The following RPS6KC1 variants were observed in gnomAD, a reference collection of about 807,000 sequenced individuals.
The protein encoded by RPS6KC1 is inactive ribosomal protein S6 kinase delta-1.
Under a neutral mutation model 103.8 loss-of-function variants are expected in RPS6KC1, and 54 were observed. That is an observed-to-expected ratio of 0.52 (90% CI 0.42 to 0.65). The LOEUF (loss-of-function observed/expected upper bound fraction) is 0.65. RPS6KC1 is among the 30% of genes least tolerant of loss of function. The probability of loss-of-function intolerance (pLI) is 0.00; values close to 1 mark genes in which losing one functional copy is unlikely to be tolerated. For missense variants in RPS6KC1, 1,151 were observed against 1,253.8 expected, an observed-to-expected ratio of 0.92 and a Z score of 1.24; for synonymous variants, 439 against 438.7, an observed-to-expected ratio of 1.00 and a Z score of -0.01.
the RPS6KC1 span, among the ~76,000 whole-genome samples, chr1:213,734,748 C>T: frequency 2.0e-5 from 3 of 152,216 alleles, no homozygotes; most frequent in Non-Finnish European, 1.5e-5. Context: ...ATCAATACAT[C>T]TATTAGTTTT....
At chr1:213,495,009 G>T in the RPS6KC1 span, among the ~76,000 whole-genome samples, 59 of 152,328 alleles carry the variant, frequency 3.9e-4, no homozygotes, top group Non-Finnish European at 7.5e-4. Flanking sequence ...AATGGAAAAG[G>T]ATTTTGAAGG....
chr1:213,125,362 TATC>T (rs1433227644), intron 5 of RPS6KC1, among the ~76,000 whole-genome samples: 14 of 152,154 alleles, frequency 9.2e-5, no homozygotes, highest in Admixed American at 3.3e-4. Flanking sequence ...CATAAGGAGA[TATC>T]ATAATCTATT....
chr1:213,095,772 A>T (rs1022058809), intron 3 of RPS6KC1, among the ~76,000 whole-genome samples: 1 of 152,190 alleles, frequency 6.6e-6, no homozygotes, highest in African/African-American at 2.4e-5. Context: ...ACTATGTCTT[A>T]AAAAAGTACG....
chr1:213,172,103 A>C (rs765781094), intron 7 of RPS6KC1, among the ~76,000 whole-genome samples: 4 of 152,320 alleles, frequency 2.6e-5, no homozygotes, highest in East Asian at 3.9e-4. Context: ...CTAGGTGGAA[A>C]TGCAGAATAT....
chr1:213,729,724 T>TTTTTTA, the RPS6KC1 span, among the ~76,000 whole-genome samples: 1 of 152,134 alleles, frequency 6.6e-6, no homozygotes, highest in Non-Finnish European at 1.5e-5. Context: ...GACTTATTCT[T>TTTTTTA]TTTTTATTTT....
At chr1:213,740,785 A>C in the RPS6KC1 span, among the ~76,000 whole-genome samples, 16 of 32,170 alleles carry the variant, frequency 5.0e-4, no homozygotes, top group Non-Finnish European at 7.5e-4. Context: ...ACATATATAC[A>C]TCTCAGATAT....
the RPS6KC1 span, among the ~76,000 whole-genome samples, chr1:213,838,545 C>G: frequency 6.6e-6 from 1 of 151,904 alleles, no homozygotes; most frequent in African/African-American, 2.4e-5. Context: ...ACTGAACCAA[C>G]AGTAGCAGCC....
rs2076929378 is a variant in RPS6KC1, at chr1:213,051,376, G to GC, written c.-29_-28insC. 6.7e-7 allele frequency: 1 copy of GC among 1,500,808 alleles called. No homozygotes were observed. 93.0% of individuals were successfully genotyped at this position (1,500,808 alleles called of 1,614,324 possible). The stretch of plus-strand genomic sequence containing the variant: ...GGGTTTCCCTCATGATCCCGGGCGG[G>GC]TGGCGGCGGCGGCAGAGGCGGCGGG... On this transcript the variant is annotated 5_prime_UTR_variant, in exon 1 of 15. Coordinates refer to ENST00000366960, the MANE Select transcript of RPS6KC1 (RefSeq NM_012424.6).
At chr1:213,854,574 C>T in the RPS6KC1 span, among the ~76,000 whole-genome samples, 1 of 136,088 alleles carries the variant, frequency 7.3e-6, no homozygotes, top group Admixed American at 7.3e-5. Context: ...CTCTCTCTCT[C>T]TCTCTTTCTT....
chr1:213,215,778 A>C (rs2093642770), intron 8 of RPS6KC1, among the ~76,000 whole-genome samples: 1 of 152,198 alleles, frequency 6.6e-6, no homozygotes, highest in Non-Finnish European at 1.5e-5. Context: ...CAGCCAAACT[A>C]AGCTTCATAA....
rs1197404504 is a variant in RPS6KC1 at position 213,261,576 on chromosome 1, A to G, written c.2930A>G (p.Glu977Gly). The G allele has an allele frequency of 6.2e-7, 1 of 1,613,922 alleles. No individual in the cohort carries two copies. Among genetic ancestry groups the G allele is most frequent in the Non-Finnish European group, 8.5e-7 (1 of 1,179,928 alleles). The stretch of plus-strand genomic sequence containing the variant: ...TGGTTAGAGGTTGGAGCAATCACTG[A>G]AGAAACTGAAGCCTGTGATTGGTGG... ...YCAPEVGAIT[E>G]ETEACDWWSL... Residue 977 changes from glutamate (E) to glycine (G), a missense_variant, in exon 13 of 15, where the codon GAA becomes GGA. Physicochemically the swap from Glu to Gly is moderately conservative, Grantham distance 98 (BLOSUM62 -2). Coordinates refer to ENST00000366960, the MANE Select transcript of RPS6KC1 (RefSeq NM_012424.6).
chr1:213,110,130 A>G (rs1308241940), intron 4 of RPS6KC1, among the ~76,000 whole-genome samples: 6 of 152,114 alleles, frequency 3.9e-5, no homozygotes, highest in African/African-American at 1.4e-4. Flanking sequence ...TTCTTTAATC[A>G]TGTTTTCCCT....
chr1:213,610,087 C>T, the RPS6KC1 span, among the ~76,000 whole-genome samples: 4 of 152,264 alleles, frequency 2.6e-5, no homozygotes, highest in South Asian at 2.1e-4. Flanking sequence ...TCTTAAACCA[C>T]GCCTTTGTTT....
chr1:213,354,466 T>G, the RPS6KC1 span, among the ~76,000 whole-genome samples: 2 of 152,222 alleles, frequency 1.3e-5, no homozygotes, highest in African/African-American at 2.4e-5. Context: ...TTTATTCTGA[T>G]GAGTCAATTC....
At chr1:213,261,470 TA>T in intron 12 of RPS6KC1, 87 bp from the exon 13 acceptor site, 1 of 1,199,734 alleles carries the variant, frequency 8.3e-7, no homozygotes. Context: ...CTCTCAGCAT[TA>T]AAAAGGTCAC....
chr1:213,426,946 C>T, the RPS6KC1 span, among the ~76,000 whole-genome samples: 1 of 152,152 alleles, frequency 6.6e-6, no homozygotes, highest in South Asian at 2.1e-4. Context: ...GGATGTAGCT[C>T]CTGTCTAATA....
the RPS6KC1 span, among the ~76,000 whole-genome samples, chr1:213,846,651 T>C: frequency 6.6e-6 from 1 of 152,196 alleles, no homozygotes; most frequent in Admixed American, 6.5e-5. Flanking sequence ...AAGTGCACAA[T>C]TGATTGCACA....
At chr1:213,684,559 T>G in the RPS6KC1 span, among the ~76,000 whole-genome samples, 6 of 152,174 alleles carry the variant, frequency 3.9e-5, no homozygotes, top group Admixed American at 6.5e-5. Flanking sequence ...ACTCCAATTT[T>G]CCCTTGAGGA....
chr1:213,307,668 G>A, the RPS6KC1 span, among the ~76,000 whole-genome samples: 1 of 152,152 alleles, frequency 6.6e-6, no homozygotes, highest in Non-Finnish European at 1.5e-5. Flanking sequence ...TTCCTTTTCA[G>A]TTCCTTCAAC....
Sources: allele counts gnomAD v4.1 joint callset (sites outside exome capture counted in the v4.1 genomes callset), GRCh38; gene constraint gnomAD v4.1.1; transcripts MANE v1.5; gene names NCBI Gene and HGNC (gene_info 2026-07-23, HGNC 2026-07-21).